Variants in GNA12 observed in about 807,000 individuals in gnomAD.
GNA12 encodes G protein subunit alpha 12, also known as guanine nucleotide-binding protein subunit alpha-12.
GNA12 carries 9 observed loss-of-function variants against 26.0 expected under a neutral mutation model. That is an observed-to-expected ratio of 0.35 (90% CI 0.21 to 0.60). GNA12 has a LOEUF of 0.60. Ranked by LOEUF, GNA12 falls within the 20% of genes least tolerant of loss-of-function variation. GNA12 has a pLI of 0.78. For missense variants in GNA12, 405 were observed against 525.8 expected (o/e 0.77, Z 2.25); for synonymous variants, 264 against 219.6 (o/e 1.20, Z -1.79).
At chr7:2,820,435 A>C (rs905365642) in intron 1 of GNA12, among the ~76,000 whole-genome samples, 1 of 144,326 alleles carries the variant, frequency 6.9e-6, no homozygotes, top group Non-Finnish European at 1.5e-5. Flanking sequence ...GAGGCCAGGC[A>C]TGGTGGCTCA....
intron 2 of GNA12, among the ~76,000 whole-genome samples, chr7:2,754,022 T>A (rs1791168981): frequency 6.6e-6 from 1 of 152,216 alleles, no homozygotes; most frequent in Non-Finnish European, 1.5e-5. Context: ...TCTAAACCCT[T>A]AAGTTCAGCG....
At chr7:2,829,468 A>G (rs1793553991) in intron 1 of GNA12, among the ~76,000 whole-genome samples, 1 of 152,106 alleles carries the variant, frequency 6.6e-6, no homozygotes, top group Non-Finnish European at 1.5e-5. Flanking sequence ...ATTACTATTC[A>G]GTTCCTTCCT....
chr7:2,829,767 C>A (rs1412238390), intron 1 of GNA12, among the ~76,000 whole-genome samples: 1 of 152,144 alleles, frequency 6.6e-6, no homozygotes, highest in Non-Finnish European at 1.5e-5. Context: ...TGTCCCTTTC[C>A]AGCATCCCTG....
intron 2 of GNA12, among the ~76,000 whole-genome samples, chr7:2,776,623 G>A (rs916693515): frequency 6.6e-6 from 1 of 152,158 alleles, no homozygotes; most frequent in African/African-American, 2.4e-5. Flanking sequence ...AATTCTTGCC[G>A]AGAGAGGAGC....
chr7:2,759,309 G>A (rs1181646353), intron 2 of GNA12, among the ~76,000 whole-genome samples: 2 of 152,104 alleles, frequency 1.3e-5, no homozygotes, highest in East Asian at 1.9e-4. Context: ...GAAACAAAGC[G>A]CTAGCTGTAA....
intron 1 of GNA12, among the ~76,000 whole-genome samples, chr7:2,810,026 G>T (rs1258504301): frequency 6.6e-6 from 1 of 152,208 alleles, no homozygotes; most frequent in East Asian, 1.9e-4. Flanking sequence ...GAGGGAAATG[G>T]TTTGACATTA....
At chr7:2,829,692 CT>C (rs1270131485) in intron 1 of GNA12, among the ~76,000 whole-genome samples, 1 of 152,142 alleles carries the variant, frequency 6.6e-6, no homozygotes, top group Admixed American at 6.5e-5. Context: ...TTTCATCTGA[CT>C]TTTGTGTGCT....
At chr7:2,736,410 C>T (rs2693566) in intron 2 of GNA12, among the ~76,000 whole-genome samples, 9 of 151,960 alleles carry the variant, frequency 5.9e-5, no homozygotes, top group South Asian at 4.1e-4. Context: ...CTGGGGCCAG[C>T]GGCCACTGAG....
chr7:2,828,679 T>G (rs1230252785), intron 1 of GNA12, among the ~76,000 whole-genome samples: 2 of 152,240 alleles, frequency 1.3e-5, no homozygotes, highest in East Asian at 3.8e-4. Flanking sequence ...CCTGCTCTAG[T>G]GACTTCAGTT....
chr7:2,757,418 T>C (rs1215762218), intron 2 of GNA12, among the ~76,000 whole-genome samples: 1 of 152,144 alleles, frequency 6.6e-6, no homozygotes, highest in Non-Finnish European at 1.5e-5. Flanking sequence ...AGGAGCCACG[T>C]GGCAAGGAAG....
chr7:2,823,355 C>T (rs1382641541), intron 1 of GNA12, among the ~76,000 whole-genome samples: 4 of 152,312 alleles, frequency 2.6e-5, no homozygotes, highest in Non-Finnish European at 5.9e-5. Flanking sequence ...AAAGCGTGTT[C>T]TGACACTCCA....
intron 2 of GNA12, among the ~76,000 whole-genome samples, chr7:2,781,607 T>C (rs896548121): frequency 1.3e-5 from 2 of 152,168 alleles, no homozygotes; most frequent in Admixed American, 6.5e-5. Flanking sequence ...AGCCAAATGG[T>C]AAATATTTCA....
At chr7:2,814,285 C>G in intron 1 of GNA12, 2 of 1,176,720 alleles carry the variant, frequency 1.7e-6, no homozygotes, top group East Asian at 2.3e-5. Flanking sequence ...GATCTGTGGC[C>G]GAGGAGTTGA....
rs1791935614 is a variant in GNA12, at chr7:2,771,060, G to A, written c.525+23868C>T. Among the ~76,000 whole-genome samples the A allele has an allele frequency of 2.6e-5, 4 of 152,302 alleles. No homozygotes were observed. In the South Asian group the frequency reaches 6.2e-4, roughly 24 times the overall value. ...AATCCCAGCACTTTGGGAGGCTGAGGTGGGTGGATCACTTGAAGTTAGGAG... is the reference window on the plus strand; with the variant it reads ...AATCCCAGCACTTTGGGAGGCTGAGATGGGTGGATCACTTGAAGTTAGGAG... On this transcript the variant is annotated intron_variant, in intron 2 of 3. Transcript: ENST00000275364.
At chr7:2,829,922 G>C (rs910815377) in intron 1 of GNA12, among the ~76,000 whole-genome samples, 1 of 152,212 alleles carries the variant, frequency 6.6e-6, no homozygotes, top group African/African-American at 2.4e-5. Flanking sequence ...AAAGGGAGAT[G>C]ATGAGAGCTG....
Position 2,844,120 on chromosome 7 carries a change from C to CGGCAGCA in GNA12, c.35_41dup (p.Glu16AlafsTer27). On this transcript the variant is annotated frameshift_variant, in exon 1 of 4. Coordinates refer to ENST00000275364, the MANE Select transcript of GNA12 (RefSeq NM_007353.3). LOFTEE classifies it high-confidence loss of function. The stretch of plus-strand genomic sequence containing the variant: ...GCTCGCGGGCCCCGCCGGCCTCGGC[C>CGGCAGCA]GGCAGCAGGCAGCGGCTGAGGGTCC... 3 of 989,360 alleles carry CGGCAGCA rather than the reference C, an allele frequency of 3.0e-6. No individual in the cohort carries two copies. The highest frequency in any genetic ancestry group is 1.1e-4 in the East Asian group (1 of 8,910). The allele number at this position is 989,360 out of a possible 1,614,324, so 61.3% of individuals were successfully genotyped here.
At chr7:2,837,691 C>T (rs1014342158) in intron 1 of GNA12, among the ~76,000 whole-genome samples, 3 of 152,154 alleles carry the variant, frequency 2.0e-5, no homozygotes, top group Non-Finnish European at 4.4e-5. Flanking sequence ...AGAGGAAATA[C>T]AGGCATTCTT....
chr7:2,765,288 C>T lies in GNA12; in HGVS notation c.525+29640G>A, dbSNP rs537153717. Among the ~76,000 whole-genome samples the T allele has an allele frequency of 7.9e-5, 12 of 151,870 alleles. No homozygotes were observed. The South Asian group carries it at 2.1e-3, about 26-fold the overall frequency. The stretch of plus-strand genomic sequence containing the variant: ...TCAGCCTCCCGAGTAGCTGGGACCA[C>T]AGGCACCCGCCACTGCGCCCGCCTA... On this transcript the variant is annotated intron_variant, in intron 2 of 3. Transcript: ENST00000275364.
At chr7:2,779,416 G>A (rs1792162895) in intron 2 of GNA12, among the ~76,000 whole-genome samples, 1 of 151,880 alleles carries the variant, frequency 6.6e-6, no homozygotes, top group African/African-American at 2.4e-5. Context: ...AGACTGAAGT[G>A]GGAGAATTGC....
Sources: allele counts gnomAD v4.1 joint callset (sites outside exome capture counted in the v4.1 genomes callset), GRCh38; gene constraint gnomAD v4.1.1; transcripts MANE v1.5; gene names NCBI Gene and HGNC (gene_info 2026-07-23, HGNC 2026-07-21).